MAML3: variants seen among roughly 807,000 people sequenced by gnomAD.
MAML3 encodes the protein mastermind-like protein 3.
Under a neutral mutation model 101.9 loss-of-function variants are expected in MAML3, and 27 were observed. That is an observed-to-expected ratio of 0.27 (90% confidence interval 0.20 to 0.37). The LOEUF is 0.37. MAML3 is among the 10% of genes least tolerant of loss of function. The probability of loss-of-function intolerance (pLI) is 1.00; values close to 1 mark genes in which losing one functional copy is unlikely to be tolerated. For missense variants in MAML3, 1,316 were observed against 1,444.9 expected (o/e 0.91, Z 1.45); for synonymous variants, 501 against 555.9 (o/e 0.90, Z 1.39).
At chr4:140,088,312 C>G (rs1157423170) in intron 1 of MAML3, among the ~76,000 whole-genome samples, 2 of 151,988 alleles carry the variant, frequency 1.3e-5, no homozygotes, top group Admixed American at 6.6e-5. Flanking sequence ...AGGGAGAACC[C>G]TTTCCCTCCT....
intron 3 of MAML3, 103 bp from the exon 4 acceptor site, chr4:139,725,938 T>C (rs1728456567): frequency 1.1e-6 from 1 of 935,180 alleles, no homozygotes; most frequent in African/African-American, 1.6e-5. Context: ...TCCCCAAAAC[T>C]AAACTTTGTG....
chr4:139,951,734 CTTT>C (rs71584344), intron 1 of MAML3, among the ~76,000 whole-genome samples: 5 of 142,892 alleles, frequency 3.5e-5, no homozygotes, highest in Admixed American at 7.0e-5. Flanking sequence ...TGTTTTTGTT[CTTT>C]TTTTTTTTTT....
chr4:139,932,690 A>G (rs1733425615), intron 1 of MAML3, among the ~76,000 whole-genome samples: 1 of 152,234 alleles, frequency 6.6e-6, no homozygotes, highest in Admixed American at 6.5e-5. Flanking sequence ...TAATTAATTA[A>G]TGATCTTTAT....
chr4:140,037,248 A>C (rs1466760080), intron 1 of MAML3, among the ~76,000 whole-genome samples: 10 of 151,706 alleles, frequency 6.6e-5, no homozygotes, highest in African/African-American at 1.7e-4. Context: ...CTTGAAAAAA[A>C]AAAAACAAAA....
At chr4:139,815,250 T>A (rs925534578) in intron 2 of MAML3, among the ~76,000 whole-genome samples, 1 of 152,212 alleles carries the variant, frequency 6.6e-6, no homozygotes. Context: ...GATCCTGAAG[T>A]GTACTGTGCT....
intron 2 of MAML3, among the ~76,000 whole-genome samples, chr4:139,806,913 A>G (rs79522863): frequency 5.8e-4 from 88 of 152,346 alleles, no homozygotes; most frequent in African/African-American, 2.1e-3. Flanking sequence ...ATCACTTCCA[A>G]ATGATACAGA....
intron 1 of MAML3, among the ~76,000 whole-genome samples, chr4:140,044,509 C>T (rs1381294037): frequency 2.0e-5 from 3 of 152,116 alleles, no homozygotes; most frequent in Admixed American, 1.3e-4. Flanking sequence ...CGCAAGAGTC[C>T]GTTTCATCCC....
chr4:139,753,651 A>G (rs751003482), intron 2 of MAML3, among the ~76,000 whole-genome samples: 3 of 152,216 alleles, frequency 2.0e-5, no homozygotes. Flanking sequence ...CCTTCCCTAC[A>G]TACATCCCTG....
chr4:139,987,542 T>C (rs1383520792), intron 1 of MAML3, among the ~76,000 whole-genome samples: 1 of 152,172 alleles, frequency 6.6e-6, no homozygotes. Flanking sequence ...GTTTCTAGCA[T>C]GTCAAAATAT....
chr4:139,772,509 T>A (rs1223505214), intron 2 of MAML3, among the ~76,000 whole-genome samples: 1 of 151,238 alleles, frequency 6.6e-6, no homozygotes, highest in Non-Finnish European at 1.5e-5. Flanking sequence ...ACTTGGCTAA[T>A]TTTTCGTATT....
chr4:139,776,763 C>T (rs1730104864), intron 2 of MAML3, among the ~76,000 whole-genome samples: 1 of 150,772 alleles, frequency 6.6e-6, no homozygotes, highest in Non-Finnish European at 1.5e-5. Context: ...ATATGGCTTC[C>T]TGGGATGGCT....
rs140810791 is a variant in MAML3 at position 140,013,851 on chromosome 4, A to G, written c.469-122884T>C. Among the ~76,000 whole-genome samples, 275 of 152,318 alleles carry G rather than the reference A, an allele frequency of 1.8e-3. 1 individual carries two copies. The highest frequency in any genetic ancestry group is 6.2e-3 in the African/African-American group (257 of 41,578). ...CCTAGGTGCCTCTCCACAGTCCCCA[A>G]TAGAGAACCTTTCTGGACCATAACA... On this transcript the variant is annotated intron_variant, in intron 1 of 4. Coordinates refer to ENST00000509479, the MANE Select transcript of MAML3 (RefSeq NM_018717.5).
chr4:140,049,419 A>G (rs1727232217), intron 1 of MAML3, among the ~76,000 whole-genome samples: 1 of 152,180 alleles, frequency 6.6e-6, no homozygotes, highest in African/African-American at 2.4e-5. Flanking sequence ...AGCAACAGCG[A>G]GCAGGAGAGG....
intron 1 of MAML3, among the ~76,000 whole-genome samples, chr4:139,933,466 A>G (rs1162392149): frequency 1.3e-5 from 2 of 152,242 alleles, no homozygotes; most frequent in African/African-American, 2.4e-5. Flanking sequence ...GAGACATCCA[A>G]CACGTAATGC....
chr4:139,892,076 A>C (rs1732510745), intron 1 of MAML3, among the ~76,000 whole-genome samples: 1 of 152,210 alleles, frequency 6.6e-6, no homozygotes, highest in Non-Finnish European at 1.5e-5. Flanking sequence ...TGACGGCCCC[A>C]AAAGATGCTC....
chr4:140,064,873 G>GCT lies in MAML3; in HGVS notation c.468+87985_468+87986dup, dbSNP rs139838023. On this transcript the variant is annotated intron_variant, in intron 1 of 4. Transcript: ENST00000509479. Reference sequence around the variant, plus strand: ...AGACTTATAAGTTTTGTTTCTTGAAGCTCTTCTAATTACTAGAAGGTCTTC... The same window carrying GCT: ...AGACTTATAAGTTTTGTTTCTTGAAGCTCTCTTCTAATTACTAGAAGGTCTTC... 7.3e-3 allele frequency among the ~76,000 whole-genome samples: 1,106 copies of GCT among 152,266 alleles called. 13 individuals carry two copies. Among genetic ancestry groups the GCT allele is most frequent in the African/African-American group, 0.025 (1,055 of 41,546 alleles).
intron 1 of MAML3, among the ~76,000 whole-genome samples, chr4:139,944,265 G>A (rs1471766005): frequency 2.0e-5 from 3 of 151,946 alleles, no homozygotes; most frequent in Non-Finnish European, 2.9e-5. Context: ...TGCCATGCTG[G>A]TGCGCTGCAC....
intron 1 of MAML3, among the ~76,000 whole-genome samples, chr4:140,014,105 C>T (rs1218114484): frequency 6.6e-6 from 1 of 152,158 alleles, no homozygotes; most frequent in East Asian, 1.9e-4. Flanking sequence ...TTATATATTT[C>T]ACAACTTTTA....
rs557396875 is a variant in MAML3, at chr4:140,153,845, T to C, written c.-518A>G. ...CATCGGAAAACGGCAAGCTTGCTTATTGCATTTTCCTTCCACAAAAAAGTT... is the reference window on the plus strand; with the variant it reads ...CATCGGAAAACGGCAAGCTTGCTTACTGCATTTTCCTTCCACAAAAAAGTT... On this transcript the variant is annotated 5_prime_UTR_variant, in exon 1 of 5. Coordinates refer to ENST00000509479, the MANE Select transcript of MAML3 (RefSeq NM_018717.5). The C allele has an allele frequency of 6.5e-6, 1 of 154,776 alleles. No individual in the cohort carries two copies. Among genetic ancestry groups the C allele is most frequent in the East Asian group, 1.9e-4 (1 of 5,188 alleles). 9.6% of individuals were successfully genotyped at this position (154,776 alleles called of 1,614,324 possible). A position where few individuals can be genotyped will look rare whatever the true frequency, so the allele number is the denominator to read the frequency against.
Sources: gnomAD v4.1 joint callset for allele counts (sites outside exome capture counted in the v4.1 genomes callset) on GRCh38, gnomAD v4.1.1 for gene constraint, MANE v1.5 for transcripts, NCBI Gene and HGNC (gene_info 2026-07-23, HGNC 2026-07-21) for gene names.